Variants in IQCJ observed in about 807,000 individuals in gnomAD.
IQCJ encodes IQ motif containing J.
A neutral mutation model predicts 11.0 loss-of-function variants in IQCJ; 9 were observed. The observed-to-expected ratio is 0.82, with a 90% CI of 0.49 to 1.43. IQCJ has a LOEUF of 1.43. Among genes scored for constraint, IQCJ ranks in the 40% most tolerant of loss-of-function variants. The pLI is 0.00. For synonymous variants in IQCJ, 55 were observed against 51.3 expected, an observed-to-expected ratio of 1.07 and a Z score of -0.31; for missense variants, 146 against 133.2, an observed-to-expected ratio of 1.10 and a Z score of -0.47.
At chr3:159,244,423 C>A (rs1339822868) in intron 1 of IQCJ, among the ~76,000 whole-genome samples, 1 of 152,074 alleles carries the variant, frequency 6.6e-6, no homozygotes, top group East Asian at 1.9e-4. Context: ...GAAGAAATGG[C>A]CATCTCTTAA....
intron 1 of IQCJ, among the ~76,000 whole-genome samples, chr3:159,156,603 C>A (rs905049048): frequency 6.6e-6 from 1 of 152,154 alleles, no homozygotes; most frequent in Non-Finnish European, 1.5e-5. Flanking sequence ...CAGATTGAAC[C>A]TGATGGGTGT....
chr3:159,162,329 G>C (rs1721911722), intron 1 of IQCJ, among the ~76,000 whole-genome samples: 2 of 152,160 alleles, frequency 1.3e-5, no homozygotes, highest in South Asian at 4.1e-4. Flanking sequence ...TTGGCTGTCT[G>C]TTTGTCTGTT....
rs144685601 is a variant in IQCJ, at chr3:159,153,111, T to C, written c.9+83670T>C. 3.2e-3 allele frequency among the ~76,000 whole-genome samples: 486 copies of C among 152,340 alleles called. 5 individuals are homozygous for C. The highest frequency in any genetic ancestry group is 0.011 in the African/African-American group (467 of 41,574). ...TTAGGACAGTTTAAATCTGGAAACA[T>C]TAAACTTTTCTTAATTTTTATTTTT... On this transcript the variant is annotated intron_variant, in intron 1 of 3. Coordinates refer to ENST00000397832, the MANE Select transcript of IQCJ (RefSeq NM_001042706.3).
intron 1 of IQCJ, among the ~76,000 whole-genome samples, chr3:159,178,752 A>G (rs1722926568): frequency 6.6e-6 from 1 of 152,138 alleles, no homozygotes; most frequent in African/African-American, 2.4e-5. Flanking sequence ...ACAGCTCTAT[A>G]CAGTGGACAG....
intron 1 of IQCJ, among the ~76,000 whole-genome samples, chr3:159,185,375 A>G (rs1723317730): frequency 6.6e-6 from 1 of 152,144 alleles, no homozygotes; most frequent in Non-Finnish European, 1.5e-5. Context: ...TGTGTTTTTC[A>G]GCATTCTAGT....
At chr3:159,125,512 G>GT (rs781021121) in intron 1 of IQCJ, among the ~76,000 whole-genome samples, 1 of 152,226 alleles carries the variant, frequency 6.6e-6, no homozygotes, top group Non-Finnish European at 1.5e-5. Flanking sequence ...CCATATTAAT[G>GT]TAAGTTGCCA....
At chr3:159,129,245 T>G (rs1193141521) in intron 1 of IQCJ, among the ~76,000 whole-genome samples, 1 of 152,120 alleles carries the variant, frequency 6.6e-6, no homozygotes, top group Non-Finnish European at 1.5e-5. Flanking sequence ...AGCAGAAAGT[T>G]GGGATGATAA....
intron 1 of IQCJ, 85 bp downstream of exon 1, chr3:159,069,526 A>G (rs1257753864): frequency 6.5e-6 from 10 of 1,532,364 alleles, no homozygotes; most frequent in Middle Eastern, 1.8e-4. Flanking sequence ...TGTCTTCTGA[A>G]TTAACATGTA....
At chr3:159,138,624 A>G (rs1254018867) in intron 1 of IQCJ, among the ~76,000 whole-genome samples, 1 of 152,212 alleles carries the variant, frequency 6.6e-6, no homozygotes, top group East Asian at 1.9e-4. Flanking sequence ...ACAATACATA[A>G]AGTGAGGAGA....
At chr3:159,084,198 A>G (rs1716534447) in intron 1 of IQCJ, among the ~76,000 whole-genome samples, 1 of 151,942 alleles carries the variant, frequency 6.6e-6, no homozygotes, top group African/African-American at 2.4e-5. Context: ...ATTTTTCTCT[A>G]TTATTTCCTA....
At chr3:159,078,704 A>C (rs1371483781) in intron 1 of IQCJ, among the ~76,000 whole-genome samples, 2 of 152,088 alleles carry the variant, frequency 1.3e-5, no homozygotes, top group African/African-American at 4.8e-5. Context: ...CTTTCTCCCC[A>C]AAGTGAATTA....
At chr3:159,096,245 A>C (rs1182429190) in intron 1 of IQCJ, among the ~76,000 whole-genome samples, 1 of 145,142 alleles carries the variant, frequency 6.9e-6, no homozygotes, top group African/African-American at 2.6e-5. Context: ...GTTTGAGTTC[A>C]TTGTAGATTC....
chr3:159,182,287 G>C (rs1394583185), intron 1 of IQCJ, among the ~76,000 whole-genome samples: 1 of 151,912 alleles, frequency 6.6e-6, no homozygotes, highest in Non-Finnish European at 1.5e-5. Flanking sequence ...ACCATGGTGG[G>C]TAGAAGTGAT....
chr3:159,101,310 T>G (rs889343793), intron 1 of IQCJ, among the ~76,000 whole-genome samples: 1 of 151,550 alleles, frequency 6.6e-6, no homozygotes, highest in African/African-American at 2.4e-5. Context: ...CAGATGGAAA[T>G]GCAGAAATCA....
At chr3:159,234,580 C>T (rs1726463704) in intron 1 of IQCJ, among the ~76,000 whole-genome samples, 1 of 152,136 alleles carries the variant, frequency 6.6e-6, no homozygotes, top group Admixed American at 6.5e-5. Flanking sequence ...AAGGCAAAAA[C>T]ATTGCTTGAG....
At chr3:159,151,920 C>A (rs533624932) in intron 1 of IQCJ, among the ~76,000 whole-genome samples, 1 of 152,376 alleles carries the variant, frequency 6.6e-6, no homozygotes, top group African/African-American at 2.4e-5. Context: ...AGGCGTGAGC[C>A]ATCACACCCA....
intron 1 of IQCJ, among the ~76,000 whole-genome samples, chr3:159,086,278 G>A: frequency 6.6e-6 from 1 of 152,194 alleles, no homozygotes; most frequent in South Asian, 2.1e-4. Context: ...TGATCTATAT[G>A]TCTGTTTTGG....
At chr3:159,121,391 C>A (rs995289600) in intron 1 of IQCJ, among the ~76,000 whole-genome samples, 2 of 152,164 alleles carry the variant, frequency 1.3e-5, no homozygotes, top group Non-Finnish European at 2.9e-5. Flanking sequence ...ACCTCAGCCT[C>A]CCAAAGTGTT....
intron 1 of IQCJ, among the ~76,000 whole-genome samples, chr3:159,196,004 A>C (rs1028604265): frequency 3.9e-5 from 6 of 152,190 alleles, no homozygotes; most frequent in Non-Finnish European, 7.3e-5. Context: ...AGTTATTTTC[A>C]CACATTAGTA....
Sources: allele counts gnomAD v4.1 joint callset (sites outside exome capture counted in the v4.1 genomes callset), GRCh38; gene constraint gnomAD v4.1.1; transcripts MANE v1.5; gene names NCBI Gene and HGNC (gene_info 2026-07-23, HGNC 2026-07-21).